The following GPR158 variants were observed in gnomAD, a reference collection of about 807,000 sequenced individuals.
The protein encoded by GPR158 is metabotropic glycine receptor.
In GPR158, 30 loss-of-function variants were observed where a neutral mutation model predicts 78.2. That is an observed-to-expected ratio of 0.38 (90% CI 0.29 to 0.52). GPR158 has a LOEUF of 0.52. Among genes scored for constraint, GPR158 ranks in the 20% least tolerant of loss-of-function variants. The pLI, the probability that GPR158 is intolerant of heterozygous loss-of-function variation, is 0.83. For synonymous variants in GPR158, 581 were observed against 591.1 expected (o/e 0.98, Z 0.25); for missense variants, 1,463 against 1,523.5 (o/e 0.96, Z 0.66).
chr10:25,484,674 AG>A (rs1169805874), intron 5 of GPR158, among the ~76,000 whole-genome samples: 4 of 152,184 alleles, frequency 2.6e-5, no homozygotes, highest in Non-Finnish European at 5.9e-5. Context: ...AATTCTGAAA[AG>A]GGTGAAGTAT....
intron 4 of GPR158, among the ~76,000 whole-genome samples, chr10:25,431,850 G>A (rs1177510411): frequency 1.3e-5 from 2 of 152,068 alleles, no homozygotes; most frequent in Non-Finnish European, 2.9e-5. Flanking sequence ...CACACTCTGG[G>A]GACTGTTGTG....
chr10:25,216,859 T>G (rs1853223242), intron 1 of GPR158, among the ~76,000 whole-genome samples: 1 of 152,126 alleles, frequency 6.6e-6, no homozygotes, highest in Admixed American at 6.5e-5. Context: ...GGGCCCTAAA[T>G]GTAGTTCTGA....
At chr10:25,197,635 A>C (rs779224633) in intron 1 of GPR158, among the ~76,000 whole-genome samples, 1 of 152,236 alleles carries the variant, frequency 6.6e-6, no homozygotes. Context: ...CAGCCATTGT[A>C]TATTTTAAGG....
chr10:25,465,933 C>T (rs1199504779), intron 4 of GPR158, among the ~76,000 whole-genome samples: 1 of 152,130 alleles, frequency 6.6e-6, no homozygotes, highest in Non-Finnish European at 1.5e-5. Flanking sequence ...GGGACTTTCC[C>T]CTAAGCCAAA....
At chr10:25,406,091 C>G (rs910711470) in intron 3 of GPR158, among the ~76,000 whole-genome samples, 3 of 152,142 alleles carry the variant, frequency 2.0e-5, no homozygotes, top group Non-Finnish European at 4.4e-5. Context: ...CTACAGTAGA[C>G]AGTTACTATT....
At chr10:25,220,341 G>A (rs1342756088) in intron 1 of GPR158, among the ~76,000 whole-genome samples, 2 of 152,176 alleles carry the variant, frequency 1.3e-5, no homozygotes, top group African/African-American at 2.4e-5. Flanking sequence ...TGGAGGAAGT[G>A]GAGGAATTTT....
At chr10:25,551,690 T>C (rs111568669) in intron 6 of GPR158, among the ~76,000 whole-genome samples, 1,585 of 152,218 alleles carry the variant, frequency 0.01, 32 homozygotes, top group African/African-American at 0.036. Flanking sequence ...GAACTACCTA[T>C]CTACAAAGGC....
intron 4 of GPR158, among the ~76,000 whole-genome samples, chr10:25,429,830 T>A (rs1220132214): frequency 3.5e-5 from 5 of 142,860 alleles, no homozygotes; most frequent in Non-Finnish European, 7.6e-5. Context: ...CTAAAAACTC[T>A]CAATAAATTA....
At chr10:25,552,736 A>G (rs1836742892) in intron 6 of GPR158, among the ~76,000 whole-genome samples, 1 of 152,136 alleles carries the variant, frequency 6.6e-6, no homozygotes, top group Admixed American at 6.6e-5. Context: ...CACATAACCC[A>G]TTCATATTCC....
chr10:25,551,576 C>T (rs543818731), intron 6 of GPR158, among the ~76,000 whole-genome samples: 1 of 152,244 alleles, frequency 6.6e-6, no homozygotes, highest in East Asian at 1.9e-4. Flanking sequence ...AACCAGTGTG[C>T]TTCAGTGATT....
intron 2 of GPR158, among the ~76,000 whole-genome samples, chr10:25,356,604 G>C (rs562164803): frequency 2.0e-4 from 30 of 151,948 alleles, no homozygotes; most frequent in Non-Finnish European, 1.0e-4. Context: ...TTTTAAAAAT[G>C]GGAGTTTCCC....
Position 25,175,694 on chromosome 10 carries a change from C to G in GPR158, c.274C>G (p.His92Asp). 6.2e-7 allele frequency: 1 copy of G among 1,611,866 alleles called. No homozygotes were observed. Among genetic ancestry groups the G allele is most frequent in the East Asian group, 2.2e-5 (1 of 44,846 alleles). Reference sequence around the variant, plus strand: ...CTCTTACCTCTACACCGGGGACTCCCACCAGCTGAAGCGAGCCAACTGCTC... The same window carrying G: ...CTCTTACCTCTACACCGGGGACTCCGACCAGCTGAAGCGAGCCAACTGCTC... ...VASYLYTGDS[H>D]QLKRANCSGR... Residue 92 changes from histidine to aspartate, a missense_variant, in exon 1 of 11, where the codon CAC becomes GAC. By Grantham distance (81) the His-to-Asp change is moderately conservative. Transcript: ENST00000376351. This position sits in a 1 kb window ranked among gnomAD's most constrained non-coding sequence, Gnocchi z 6.4.
intron 2 of GPR158, among the ~76,000 whole-genome samples, chr10:25,319,317 A>G (rs545873191): frequency 1.1e-4 from 17 of 152,236 alleles, no homozygotes; most frequent in African/African-American, 3.6e-4. Flanking sequence ...ATTGACATTT[A>G]CTGTGTACAC....
chr10:25,553,501 T>C (rs947695660), intron 6 of GPR158, among the ~76,000 whole-genome samples: 3 of 152,116 alleles, frequency 2.0e-5, no homozygotes, highest in African/African-American at 7.2e-5. Context: ...ATTTAACTGA[T>C]CCCAACATTG....
chr10:25,542,839 A>AAAAAT (rs1414209426), intron 5 of GPR158, among the ~76,000 whole-genome samples: 1 of 151,722 alleles, frequency 6.6e-6, no homozygotes, highest in Non-Finnish European at 1.5e-5. Context: ...AAAAAAAAAA[A>AAAAAT]AAAGTTCTAT....
At chr10:25,471,532 G>A (rs985153142) in intron 5 of GPR158, among the ~76,000 whole-genome samples, 8 of 152,118 alleles carry the variant, frequency 5.3e-5, no homozygotes, top group Non-Finnish European at 8.8e-5. Flanking sequence ...TTGAGGAATC[G>A]CCACACTGTC....
chr10:25,211,448 C>G (rs1399889464), intron 1 of GPR158, among the ~76,000 whole-genome samples: 2 of 152,128 alleles, frequency 1.3e-5, no homozygotes, highest in East Asian at 3.9e-4. Context: ...GACAAAAGAG[C>G]CTACTCGTGC....
At chr10:25,372,165 C>A (rs1318579981) in intron 2 of GPR158, among the ~76,000 whole-genome samples, 1 of 151,862 alleles carries the variant, frequency 6.6e-6, no homozygotes, top group African/African-American at 2.4e-5. Flanking sequence ...GAGATACCAT[C>A]TCATACTGGT....
chr10:25,264,841 A>G (rs1854021165), intron 2 of GPR158, among the ~76,000 whole-genome samples: 1 of 152,150 alleles, frequency 6.6e-6, no homozygotes, highest in South Asian at 2.1e-4. Flanking sequence ...CCAGTGCTAT[A>G]TGTGGGGTTC....
Sources: gnomAD v4.1 joint callset for allele counts (sites outside exome capture counted in the v4.1 genomes callset) on GRCh38, gnomAD v4.1.1 for gene constraint, Gnocchi (gnomAD v3.1) non-coding constraint, MANE v1.5 for transcripts, NCBI Gene and HGNC (gene_info 2026-07-23, HGNC 2026-07-21) for gene names.